ADGRL4: variants seen among roughly 807,000 people sequenced by gnomAD.
ADGRL4 encodes the protein adhesion G protein-coupled receptor L4, also known as EGF, latrophilin and seven transmembrane domain containing 1.
Under a neutral mutation model 74.8 loss-of-function variants are expected in ADGRL4, and 90 were observed. The observed-to-expected ratio is 1.20, with a 90% CI of 1.02 to 1.43. The LOEUF is 1.43. ADGRL4 is among the 40% of genes most tolerant of loss of function. The pLI is 0.00. For missense variants in ADGRL4, 881 were observed against 814.3 expected (o/e 1.08, Z -1.00); for synonymous variants, 311 against 279.2 (o/e 1.11, Z -1.14).
chr1:78,938,140 G>A lies in ADGRL4; in HGVS notation c.536C>T (p.Thr179Ile). Residue 179 changes from threonine to isoleucine, a missense_variant, in exon 5 of 15, where the codon ACT becomes ATT. Thr to Ile is a moderately conservative substitution (Grantham distance 89). Coordinates refer to ENST00000370742, the MANE Select transcript of ADGRL4 (RefSeq NM_022159.4). ...AGAAAGGGTGTCCTTGGCTGAGATA[G>A]TGTTGTTCTTGTAACCTAGTAATGA... is the stretch of plus-strand genomic sequence containing the variant. Reference protein sequence around the residue: ...SSSLLGYKNNTISAKDTLSNS... With the variant: ...SSSLLGYKNNIISAKDTLSNS... 1 of 1,613,264 alleles carries A rather than the reference G, an allele frequency of 6.2e-7. No homozygotes were observed. Among genetic ancestry groups the A allele is most frequent in the South Asian group, 1.1e-5 (1 of 90,836 alleles).
At chr1:78,960,527 G>T (rs1027824026) in intron 2 of ADGRL4, among the ~76,000 whole-genome samples, 1 of 152,134 alleles carries the variant, frequency 6.6e-6, no homozygotes, top group African/African-American at 2.4e-5. Context: ...AGCTAACTGT[G>T]AGTAAGGCAT....
At chr1:78,948,034 G>A (rs1321585533) in intron 2 of ADGRL4, among the ~76,000 whole-genome samples, 1 of 152,090 alleles carries the variant, frequency 6.6e-6, no homozygotes, top group Non-Finnish European at 1.5e-5. Flanking sequence ...ATCTTTAACT[G>A]ATGAGAAAAA....
At chr1:78,906,747 TA>T (rs1263723556) in intron 12 of ADGRL4, among the ~76,000 whole-genome samples, 4 of 151,990 alleles carry the variant, frequency 2.6e-5, no homozygotes, top group African/African-American at 9.7e-5. Flanking sequence ...CTTTAAGGTA[TA>T]AAAACTTTAA....
intron 2 of ADGRL4, among the ~76,000 whole-genome samples, chr1:78,953,371 G>A (rs1041513742): frequency 6.6e-6 from 1 of 151,982 alleles, no homozygotes; most frequent in Non-Finnish European, 1.5e-5. Flanking sequence ...TATTCAATGG[G>A]GAAAATTAAA....
chr1:78,950,906 C>A (rs2100699154), intron 2 of ADGRL4, among the ~76,000 whole-genome samples: 1 of 152,206 alleles, frequency 6.6e-6, no homozygotes, highest in Non-Finnish European at 1.5e-5. Flanking sequence ...TGTTGAGTCA[C>A]TTTTGGACAT....
chr1:78,975,906 C>T (rs1000936879), intron 2 of ADGRL4, among the ~76,000 whole-genome samples: 3 of 151,790 alleles, frequency 2.0e-5, no homozygotes, highest in African/African-American at 2.4e-5. Context: ...GCAACAAAAA[C>T]AATCACTGCC....
intron 2 of ADGRL4, among the ~76,000 whole-genome samples, chr1:78,990,979 C>G (rs1187106872): frequency 6.6e-6 from 1 of 151,998 alleles, no homozygotes; most frequent in African/African-American, 2.4e-5. Flanking sequence ...AACTATCAAG[C>G]AAGTGTTAGA....
intron 12 of ADGRL4, among the ~76,000 whole-genome samples, chr1:78,902,168 G>A (rs1485852420): frequency 6.6e-6 from 1 of 152,074 alleles, no homozygotes; most frequent in African/African-American, 2.4e-5. Context: ...AACCCAATTA[G>A]ATGAATAATC....
At chr1:78,954,182 A>T (rs961654437) in intron 2 of ADGRL4, among the ~76,000 whole-genome samples, 2 of 152,048 alleles carry the variant, frequency 1.3e-5, no homozygotes, top group African/African-American at 2.4e-5. Flanking sequence ...ATAATAAATA[A>T]ATAGTCTGCA....
intron 2 of ADGRL4, among the ~76,000 whole-genome samples, chr1:78,999,298 G>A (rs1003042087): frequency 6.6e-6 from 1 of 152,130 alleles, no homozygotes; most frequent in Non-Finnish European, 1.5e-5. Flanking sequence ...GTGATTTTGG[G>A]GGAAGTATTG....
intron 10 of ADGRL4, among the ~76,000 whole-genome samples, chr1:78,918,712 G>T (rs957266406): frequency 6.6e-6 from 1 of 151,680 alleles, no homozygotes; most frequent in Non-Finnish European, 1.5e-5. Flanking sequence ...AAAGCTAAAG[G>T]TATGTATCAT....
At chr1:78,984,656 C>A (rs1304796941) in intron 2 of ADGRL4, among the ~76,000 whole-genome samples, 1 of 151,656 alleles carries the variant, frequency 6.6e-6, no homozygotes, top group African/African-American at 2.4e-5. Flanking sequence ...CAGAAGAAAG[C>A]AGACAACAGA....
chr1:78,893,267 G>C (rs975834291), intron 12 of ADGRL4, 78 bp from the exon 13 acceptor site: 1 of 856,142 alleles, frequency 1.2e-6, no homozygotes, highest in Non-Finnish European at 1.8e-6. Context: ...AAATGGTAAA[G>C]ATTTCAATAA....
chr1:78,904,447 T>C (rs1312599448), intron 12 of ADGRL4, among the ~76,000 whole-genome samples: 1 of 152,056 alleles, frequency 6.6e-6, no homozygotes, highest in Non-Finnish European at 1.5e-5. Context: ...TTCTTTAATA[T>C]ATATTTTAAA....
At chr1:79,000,562 G>T (rs1259153606) in intron 2 of ADGRL4, among the ~76,000 whole-genome samples, 2 of 152,072 alleles carry the variant, frequency 1.3e-5, no homozygotes, top group African/African-American at 4.8e-5. Context: ...TATACTGATG[G>T]AATGTGTAAT....
chr1:78,941,599 A>T (rs1158550326), intron 3 of ADGRL4, among the ~76,000 whole-genome samples: 1 of 151,746 alleles, frequency 6.6e-6, no homozygotes, highest in Non-Finnish European at 1.5e-5. Flanking sequence ...TAGAAACTTT[A>T]TTCCAAACCC....
rs770432318 is a variant in ADGRL4 at position 78,938,159 on chromosome 1, G to C, written c.517C>G (p.Leu173Val). 2.2e-5 allele frequency: 36 copies of C among 1,612,688 alleles called. No individual in the cohort carries two copies. In the East Asian group the frequency reaches 4.7e-4, roughly 21 times the overall value. Residue 173 changes from leucine to valine, a missense_variant, in exon 5 of 15, where the codon CTA becomes GTA. Physicochemically the swap from Leu to Val is conservative, Grantham distance 32 (BLOSUM62 1). Transcript: ENST00000370742. The part of the protein sequence containing the change: ...IEILAESSSL[L>V]GYKNNTISAK... ...GAGATAGTGTTGTTCTTGTAACCTAGTAATGAAGATGATTCAGCTAATATT... is the reference window on the plus strand; with the variant it reads ...GAGATAGTGTTGTTCTTGTAACCTACTAATGAAGATGATTCAGCTAATATT...
intron 3 of ADGRL4, among the ~76,000 whole-genome samples, chr1:78,943,430 C>T (rs981480825): frequency 6.6e-6 from 1 of 152,148 alleles, no homozygotes; most frequent in Non-Finnish European, 1.5e-5. Flanking sequence ...ATGTGCAGTG[C>T]TAAATCTCAC....
chr1:78,980,580 A>ATAGTAAAGCCAGAAAATT, intron 2 of ADGRL4, among the ~76,000 whole-genome samples: 1 of 152,082 alleles, frequency 6.6e-6, no homozygotes, highest in Admixed American at 6.6e-5. Flanking sequence ...TTATTTATAT[A>ATAGTAAAGCCAGAAAATT]TAGTAAAGCC....
Sources: allele counts gnomAD v4.1 joint callset (sites outside exome capture counted in the v4.1 genomes callset), GRCh38; gene constraint gnomAD v4.1.1; transcripts MANE v1.5; gene names NCBI Gene and HGNC (gene_info 2026-07-23, HGNC 2026-07-21).